PARD3B: variants seen among roughly 807,000 people sequenced by gnomAD.
The protein encoded by PARD3B is par-3 family cell polarity regulator beta, also known as partitioning defective 3 homolog B.
A neutral mutation model predicts 130.2 loss-of-function variants in PARD3B; 103 were observed. The observed-to-expected ratio is 0.79, with a 90% CI of 0.67 to 0.93. The LOEUF (loss-of-function observed/expected upper bound fraction) is 0.93, where lower values mean the gene tolerates loss of function less well. Ranked by LOEUF, PARD3B falls within the 40% of genes least tolerant of loss-of-function variation. The pLI is 0.00. For missense variants in PARD3B, 1,609 were observed against 1,499.2 expected, an observed-to-expected ratio of 1.07 and a Z score of -1.21; for synonymous variants, 583 against 553.2, an observed-to-expected ratio of 1.05 and a Z score of -0.76.
At position 205,300,775 on chromosome 2, in the gene PARD3B, A is replaced by C; in HGVS notation, c.2392+39A>C. Reference sequence around the variant, plus strand: ...CTTCCTTAAATGGCTTCTTCATCTCATTATTATCTGCAAATCATGGGCAAG... The same window carrying C: ...CTTCCTTAAATGGCTTCTTCATCTCCTTATTATCTGCAAATCATGGGCAAG... On this transcript the variant is annotated intron_variant, in intron 17 of 22. Coordinates refer to ENST00000406610, the MANE Select transcript of PARD3B (RefSeq NM_001302769.2). This position sits in a 1 kb window ranked among gnomAD's most constrained non-coding sequence, Gnocchi z 4.1. 1.3e-6 allele frequency: 2 copies of C among 1,567,788 alleles called. No individual in the cohort carries two copies. Among genetic ancestry groups the C allele is most frequent in the Non-Finnish European group, 1.7e-6 (2 of 1,143,590 alleles).
intron 20 of PARD3B, among the ~76,000 whole-genome samples, chr2:205,483,910 T>C (rs1334283239): frequency 6.6e-6 from 1 of 152,204 alleles, no homozygotes; most frequent in Non-Finnish European, 1.5e-5. Flanking sequence ...GAATAAAACA[T>C]GTTACCTCCT....
At chr2:205,264,134 G>A (rs1354059407) in intron 16 of PARD3B, among the ~76,000 whole-genome samples, 1 of 150,848 alleles carries the variant, frequency 6.6e-6, no homozygotes, top group African/African-American at 2.4e-5. Context: ...CATGAAGAAG[G>A]GTCAAGTTAT....
intron 10 of PARD3B, among the ~76,000 whole-genome samples, chr2:205,150,788 A>T (rs1443024256): frequency 6.6e-6 from 1 of 152,190 alleles, no homozygotes; most frequent in East Asian, 1.9e-4. Context: ...ACAGTATAGT[A>T]TGGCAGTGAA....
chr2:205,218,687 A>G (rs932130042), intron 15 of PARD3B, among the ~76,000 whole-genome samples: 3 of 152,156 alleles, frequency 2.0e-5, no homozygotes, highest in Non-Finnish European at 4.4e-5. Context: ...AGAACACACT[A>G]TGGGTACAGC....
At chr2:205,372,604 A>G (rs2044865638) in intron 18 of PARD3B, among the ~76,000 whole-genome samples, 1 of 152,338 alleles carries the variant, frequency 6.6e-6, no homozygotes, top group Non-Finnish European at 1.5e-5. Flanking sequence ...TGGTTTATAT[A>G]AAGTTTCCTT....
At chr2:205,313,989 T>A (rs1022917255) in intron 18 of PARD3B, among the ~76,000 whole-genome samples, 6 of 152,194 alleles carry the variant, frequency 3.9e-5, no homozygotes, top group African/African-American at 1.4e-4. Context: ...TAAAATATAT[T>A]AATGATAGTT....
At position 205,118,950 on chromosome 2, in the gene PARD3B, A is replaced by C. The variant is rs1264800345; in HGVS notation, c.710A>C (p.Glu237Ala). ...RILGLFIRGI[E>A]DNSRSKREGL... is the part of the protein sequence containing the mutation. ...CTAGGACTCTTCATCCGAGGCATTGAAGACAACAGCAGGTCCAAGCGGGAG... is the reference window on the plus strand; with the variant it reads ...CTAGGACTCTTCATCCGAGGCATTGCAGACAACAGCAGGTCCAAGCGGGAG... The change falls in exon 7 of 23, where the codon GAA (glutamate) becomes GCA (alanine). Residue 237 changes from glutamate to alanine, a missense_variant. Glu to Ala is a moderately radical substitution (Grantham distance 107). Coordinates refer to ENST00000406610, the MANE Select transcript of PARD3B (RefSeq NM_001302769.2). 2 of 1,608,436 alleles carry C rather than the reference A, an allele frequency of 1.2e-6. No individual in the cohort carries two copies. Among genetic ancestry groups the C allele is most frequent in the African/African-American group, 2.7e-5 (2 of 74,694 alleles).
rs1281879709 is a variant in PARD3B, at chr2:205,280,156, C to A, written c.2186-20374C>A. 6.6e-6 allele frequency among the ~76,000 whole-genome samples: 1 copy of A among 152,112 alleles called. No individual in the cohort carries two copies. The highest frequency in any genetic ancestry group is 1.5e-5 in the Non-Finnish European group (1 of 68,008). ...GACATAAATAGCTCTCATATAATAC[C>A]TTTCAGGGAAAAAAATTGCTTTAGG... On this transcript the variant is annotated intron_variant, in intron 16 of 22. Transcript: ENST00000406610. This position sits in a 1 kb window ranked among gnomAD's most constrained non-coding sequence, Gnocchi z 4.7.
intron 1 of PARD3B, among the ~76,000 whole-genome samples, chr2:204,566,986 C>G (rs2031715326): frequency 6.6e-6 from 1 of 151,892 alleles, no homozygotes; most frequent in Non-Finnish European, 1.5e-5. Context: ...TCAAGTGACT[C>G]TCCTGCCTCA....
intron 2 of PARD3B, among the ~76,000 whole-genome samples, chr2:204,766,469 G>C (rs947241337): frequency 2.0e-5 from 3 of 152,014 alleles, no homozygotes; most frequent in African/African-American, 7.2e-5. Context: ...CCTGAAGTTT[G>C]TCATAAGTTC....
chr2:204,918,826 T>C (rs944228790), intron 2 of PARD3B, among the ~76,000 whole-genome samples: 16 of 152,010 alleles, frequency 1.1e-4, no homozygotes, highest in African/African-American at 3.6e-4. Context: ...CCATTGCCCA[T>C]GTTCTATCTA....
Position 205,142,493 on chromosome 2 carries a change from A to G in PARD3B, c.1435-16229A>G, listed in dbSNP as rs1265422618. On this transcript the variant is annotated intron_variant, in intron 10 of 22. Transcript: ENST00000406610. The surrounding 1 kb of genome is among the most constrained non-coding windows in gnomAD (Gnocchi z 4.3). ...TCATCGCATAACGAATACTTACTAG[A>G]TGCATACATTCTGCTGGATGCTAAA... 6.6e-6 allele frequency among the ~76,000 whole-genome samples: 1 copy of G among 152,142 alleles called. No individual in the cohort carries two copies. Among genetic ancestry groups the G allele is most frequent in the African/African-American group, 2.4e-5 (1 of 41,426 alleles).
At chr2:204,605,060 C>T (rs2033658481) in intron 1 of PARD3B, among the ~76,000 whole-genome samples, 1 of 152,100 alleles carries the variant, frequency 6.6e-6, no homozygotes, top group Admixed American at 6.6e-5. Context: ...TACTACTTTA[C>T]AAGGTAACTC....
In PARD3B at chr2:205,015,578, A is replaced by G. The variant is rs922206535; in HGVS notation, c.395-32003A>G. ...TGGATGATAGTTGGGGAATTGAGTG[A>G]GTGAACTAATGAAATGAATGAATCA... On this transcript the variant is annotated intron_variant, in intron 3 of 22. Transcript: ENST00000406610. The surrounding 1 kb of genome is among the most constrained non-coding windows in gnomAD (Gnocchi z 4.5). Among the ~76,000 whole-genome samples, 2 of 152,238 alleles carry G rather than the reference A, an allele frequency of 1.3e-5. No homozygotes were observed. Among genetic ancestry groups the G allele is most frequent in the African/African-American group, 4.8e-5 (2 of 41,466 alleles).
intron 22 of PARD3B, among the ~76,000 whole-genome samples, chr2:205,607,395 T>C (rs1212284781): frequency 6.6e-6 from 1 of 152,162 alleles, no homozygotes; most frequent in Non-Finnish European, 1.5e-5. Flanking sequence ...TCTAACTTAG[T>C]GGTCAGGCAT....
rs138345796 is a variant in PARD3B, at chr2:205,185,812, C to G, written c.1973C>G (p.Ser658Cys). The change falls in exon 14 of 23, where the codon TCT (serine) becomes TGT (cysteine). Residue 658 changes from serine (S) to cysteine (C), a missense_variant. Physicochemically the swap from Ser to Cys is moderately radical, Grantham distance 112 (BLOSUM62 -1). Coordinates refer to ENST00000406610, the MANE Select transcript of PARD3B (RefSeq NM_001302769.2). ...DGWAESEVPP[S>C]PTPHSALGLG... The stretch of plus-strand genomic sequence containing the variant: ...TGGGCCGAGAGTGAAGTTCCACCTT[C>G]TCCAACACCACATTCTGCTCTGGGA... 6.2e-7 allele frequency: 1 copy of G among 1,614,160 alleles called. No individual in the cohort carries two copies. Among genetic ancestry groups the G allele is most frequent in the East Asian group, 2.2e-5 (1 of 44,878 alleles).
At chr2:205,480,894 G>T (rs753881363) in intron 20 of PARD3B, among the ~76,000 whole-genome samples, 1 of 152,206 alleles carries the variant, frequency 6.6e-6, no homozygotes, top group Non-Finnish European at 1.5e-5. Context: ...AGGCACCTCT[G>T]ACAAGGGAGA....
chr2:205,416,966 C>T (rs2046797163), intron 19 of PARD3B, among the ~76,000 whole-genome samples: 1 of 151,972 alleles, frequency 6.6e-6, no homozygotes. Context: ...TTCTAGGGTA[C>T]ATGTGCACAA....
intron 18 of PARD3B, among the ~76,000 whole-genome samples, chr2:205,398,255 C>T (rs767117018): frequency 6.6e-6 from 1 of 152,076 alleles, no homozygotes; most frequent in Non-Finnish European, 1.5e-5. Flanking sequence ...GAGCCGAGAT[C>T]GCATCATTGC....
Sources: gnomAD v4.1 joint callset for allele counts (sites outside exome capture counted in the v4.1 genomes callset) on GRCh38, gnomAD v4.1.1 for gene constraint, Gnocchi (gnomAD v3.1) non-coding constraint, MANE v1.5 for transcripts, NCBI Gene and HGNC (gene_info 2026-07-23, HGNC 2026-07-21) for gene names.